Variants in TENM2 observed in about 807,000 individuals in gnomAD.
TENM2 encodes teneurin-2.
In TENM2, 52 loss-of-function variants were observed where a neutral mutation model predicts 245.2. The ratio of observed to expected loss-of-function variants is 0.21; its 90% CI spans 0.17 to 0.27. The LOEUF (loss-of-function observed/expected upper bound fraction) is 0.27, where lower values mean the gene tolerates loss of function less well. Ranked by LOEUF, TENM2 falls within the 10% of genes least tolerant of loss-of-function variation. The probability of loss-of-function intolerance (pLI) is 1.00; values close to 1 mark genes in which losing one functional copy is unlikely to be tolerated. For missense variants in TENM2, 3,046 were observed against 3,666.8 expected, an observed-to-expected ratio of 0.83 and a Z score of 4.37; for synonymous variants, 1,363 against 1,438.9, an observed-to-expected ratio of 0.95 and a Z score of 1.19.
At position 167,671,695 on chromosome 5, in the gene TENM2, A is replaced by G. The variant is rs548033123; in HGVS notation, c.503-204291A>G. 9.2e-5 allele frequency among the ~76,000 whole-genome samples: 14 copies of G among 151,500 alleles called. No individual in the cohort carries two copies. The South Asian group carries it at 2.1e-3, about 23-fold the overall frequency. On this transcript the variant is annotated intron_variant, in intron 2 of 28. Coordinates refer to ENST00000518659, the Ensembl canonical transcript of TENM2. Reference sequence around the variant, plus strand: ...TGTTAATCCCTTTAGAACACCTATAATATAGGTATATTCTACGTAAATAAA... The same window carrying G: ...TGTTAATCCCTTTAGAACACCTATAGTATAGGTATATTCTACGTAAATAAA...
At chr5:167,186,138 T>G in the TENM2 span, among the ~76,000 whole-genome samples, 1 of 152,304 alleles carries the variant, frequency 6.6e-6, no homozygotes, top group East Asian at 1.9e-4. Flanking sequence ...CAATCAACCC[T>G]TTTAAAGATC....
intron 2 of TENM2, among the ~76,000 whole-genome samples, chr5:167,426,003 A>G (rs1400356709): frequency 6.6e-6 from 1 of 152,076 alleles, no homozygotes; most frequent in Admixed American, 6.6e-5. Flanking sequence ...GTTTTTATGT[A>G]TATCACATTC....
At chr5:167,424,568 C>A (rs1763698598) in intron 2 of TENM2, among the ~76,000 whole-genome samples, 1 of 152,158 alleles carries the variant, frequency 6.6e-6, no homozygotes, top group Non-Finnish European at 1.5e-5. Context: ...GATCAGAATT[C>A]TATCCAGATA....
chr5:166,995,328 C>G, the TENM2 span, among the ~76,000 whole-genome samples: 1 of 151,940 alleles, frequency 6.6e-6, no homozygotes, highest in Admixed American at 6.5e-5. Flanking sequence ...CAAGCTCCCC[C>G]TCCCAGGTTC....
intron 2 of TENM2, among the ~76,000 whole-genome samples, chr5:167,412,878 C>CAAAAAA (rs35434897): frequency 7.3e-6 from 1 of 137,414 alleles, no homozygotes. Context: ...TCATCGAAAG[C>CAAAAAA]AAAAAAAAAA....
intron 2 of TENM2, among the ~76,000 whole-genome samples, chr5:167,615,753 A>G (rs1777752647): frequency 6.6e-6 from 1 of 152,088 alleles, no homozygotes; most frequent in Non-Finnish European, 1.5e-5. Context: ...CTTAAGAAAA[A>G]AAAGAAAGGC....
chr5:168,199,115 G>A lies in TENM2; in HGVS notation c.3162+1G>A, dbSNP rs1486896777. On this transcript the variant is annotated splice_donor_variant, in intron 16 of 28. Coordinates refer to ENST00000518659, the Ensembl canonical transcript of TENM2. LOFTEE classifies it high-confidence loss of function. ...GAATCCCATCGTGCCTGAGACCCAGGTAGGAATGGCAGTGCCAGGGCGGGA... is the reference window on the plus strand; with the variant it reads ...GAATCCCATCGTGCCTGAGACCCAGATAGGAATGGCAGTGCCAGGGCGGGA... 2 of 1,608,690 alleles carry A rather than the reference G, an allele frequency of 1.2e-6. No individual in the cohort carries two copies. Among genetic ancestry groups the A allele is most frequent in the Non-Finnish European group, 8.5e-7 (1 of 1,175,652 alleles).
chr5:167,986,275 T>G (rs1783240727), intron 4 of TENM2, among the ~76,000 whole-genome samples: 1 of 152,188 alleles, frequency 6.6e-6, no homozygotes, highest in African/African-American at 2.4e-5. Flanking sequence ...TGAGGAAAAG[T>G]GATGACATTT....
rs1414654729 is a variant in TENM2 at position 168,165,637 on chromosome 5, TCCCCCCCCCAACC to T, written c.2569+2890_2569+2902del. 1.4e-3 allele frequency among the ~76,000 whole-genome samples: 31 copies of T among 22,610 alleles called. 3 individuals carry two copies. Among genetic ancestry groups the T allele is most frequent in the African/African-American group, 2.3e-3 (29 of 12,758 alleles). 14.8% of individuals were successfully genotyped at this position (22,610 alleles called of 152,430 possible). ...GTTGCCCACCAGGCACAATTCAGGATCCCCCCCCCAACCCCCCCCCCCCCCCCGGCTGGCAGAG... is the reference window on the plus strand; with the variant it reads ...GTTGCCCACCAGGCACAATTCAGGATCCCCCCCCCCCCCCGGCTGGCAGAG... On this transcript the variant is annotated intron_variant, in intron 13 of 28. Coordinates refer to ENST00000518659, the Ensembl canonical transcript of TENM2.
chr5:167,903,661 C>T (rs1007277399), intron 3 of TENM2, among the ~76,000 whole-genome samples: 1 of 152,062 alleles, frequency 6.6e-6, no homozygotes, highest in Non-Finnish European at 1.5e-5. Flanking sequence ...TCCAGTGTAA[C>T]CAGGCAGATG....
chr5:167,069,205 TTGAA>T, the TENM2 span, among the ~76,000 whole-genome samples: 1 of 152,174 alleles, frequency 6.6e-6, no homozygotes, highest in African/African-American at 2.4e-5. Context: ...AGCTGGTAGT[TTGAA>T]TGAAGATAAC....
rs149621930 is a variant in TENM2, at chr5:168,149,283, T to G, written c.2423-13328T>G. ...GCGGCACGATGCTCCCCTGTCACCC[T>G]TTCCCTTCATCTCCACATGTTATTT... is the stretch of plus-strand genomic sequence containing the variant. On this transcript the variant is annotated intron_variant, in intron 12 of 28. Transcript: ENST00000518659. 463 of 444,836 alleles carry G rather than the reference T, an allele frequency of 1.0e-3. 1 individual carries two copies. The highest frequency in any genetic ancestry group is 4.9e-3 in the Middle Eastern group (14 of 2,856). 27.6% of individuals were successfully genotyped at this position (444,836 alleles called of 1,614,324 possible).
chr5:167,814,778 G>A (rs935054565), intron 2 of TENM2, among the ~76,000 whole-genome samples: 22 of 151,992 alleles, frequency 1.4e-4, no homozygotes, highest in African/African-American at 4.6e-4. Context: ...AAGATGAAAC[G>A]AAAGTCAGAA....
intron 2 of TENM2, among the ~76,000 whole-genome samples, chr5:167,545,192 TAAATG>T (rs1772473026): frequency 6.6e-6 from 1 of 152,180 alleles, no homozygotes; most frequent in South Asian, 2.1e-4. Flanking sequence ...ATGTCCCTAC[TAAATG>T]AACATAATAC....
chr5:167,602,335 A>T (rs1776694989), intron 2 of TENM2, among the ~76,000 whole-genome samples: 1 of 152,296 alleles, frequency 6.6e-6, no homozygotes, highest in Non-Finnish European at 1.5e-5. Context: ...ACTGCCTCAT[A>T]TGAAACCCAC....
chr5:167,014,630 C>T, the TENM2 span, among the ~76,000 whole-genome samples: 1 of 152,116 alleles, frequency 6.6e-6, no homozygotes, highest in Non-Finnish European at 1.5e-5. Flanking sequence ...GAGAAAGAAC[C>T]CAGACTGGGT....
the TENM2 span, among the ~76,000 whole-genome samples, chr5:167,098,851 T>C: frequency 6.6e-6 from 1 of 152,208 alleles, no homozygotes; most frequent in Non-Finnish European, 1.5e-5. Flanking sequence ...CAACTAGTGA[T>C]GTTTCCCTAA....
chr5:167,473,620 G>A (rs760792095), intron 2 of TENM2, among the ~76,000 whole-genome samples: 47 of 152,162 alleles, frequency 3.1e-4, no homozygotes, highest in Non-Finnish European at 6.5e-4. Context: ...CTATATAATG[G>A]TGGTGAGATT....
chr5:167,825,236 G>A (rs531193244), intron 2 of TENM2, among the ~76,000 whole-genome samples: 59 of 152,224 alleles, frequency 3.9e-4, no homozygotes, highest in African/African-American at 1.4e-3. Flanking sequence ...ACATAATCCA[G>A]CAGATCACAG....
Sources: allele counts gnomAD v4.1 joint callset (sites outside exome capture counted in the v4.1 genomes callset), GRCh38; gene constraint gnomAD v4.1.1; transcripts MANE v1.5; gene names NCBI Gene and HGNC (gene_info 2026-07-23, HGNC 2026-07-21).